The following ANK1 variants were observed in gnomAD, a reference collection of about 807,000 sequenced individuals.
ANK1 encodes the protein ankyrin 1, also known as ankyrin-1.
Under a neutral mutation model 210.4 loss-of-function variants are expected in ANK1, and 51 were observed. The observed-to-expected ratio is 0.24, with a 90% CI of 0.19 to 0.31. The LOEUF is 0.31. Among genes scored for constraint, ANK1 ranks in the 10% least tolerant of loss-of-function variants. ANK1 has a pLI of 1.00. For missense variants in ANK1, 2,051 were observed against 2,504.4 expected, an observed-to-expected ratio of 0.82 and a Z score of 3.86; for synonymous variants, 967 against 1,025.9, an observed-to-expected ratio of 0.94 and a Z score of 1.10.
intron 1 of ANK1, among the ~76,000 whole-genome samples, chr8:41,785,252 C>T (rs560821860): frequency 3.3e-5 from 5 of 152,050 alleles, no homozygotes; most frequent in Admixed American, 2.0e-4. Context: ...CCTGGCTACT[C>T]GGAAGGCTGA....
At position 41,694,679 on chromosome 8, in the gene ANK1, C is replaced by G. The variant is rs1221137413; in HGVS notation, c.3240G>C (p.Gly1080=). The G allele has an allele frequency of 1.2e-6, 2 of 1,614,108 alleles. No homozygotes were observed. Residue 1080 remains glycine, a synonymous_variant, in exon 28 of 43, where the codon GGG becomes GGC. Transcript: ENST00000289734. This position sits in a 1 kb window ranked among gnomAD's most constrained non-coding sequence, Gnocchi z 5.7. The part of the protein sequence containing the change: ...CQDYDTIGPE[G]GSLKSKLVPL... ...GCACCAGCTTGCTCTTCAGGGAGCCCCCTTCGGGACCGATGGTGTCGTAGT... is the reference window on the plus strand; with the variant it reads ...GCACCAGCTTGCTCTTCAGGGAGCCGCCTTCGGGACCGATGGTGTCGTAGT...
intron 1 of ANK1, among the ~76,000 whole-genome samples, chr8:41,870,662 G>A (rs1468394622): frequency 6.6e-6 from 1 of 152,240 alleles, no homozygotes; most frequent in African/African-American, 2.4e-5. Context: ...GCCAAGGGAG[G>A]CCAACAAAAT....
chr8:41,684,738 G>T, intron 36 of ANK1, 48 bp from the exon 37 acceptor site: 2 of 1,591,014 alleles, frequency 1.3e-6, no homozygotes, highest in African/African-American at 1.3e-5. Flanking sequence ...CGGTGAGCGA[G>T]GATCACATGG....
chr8:41,843,219 C>T (rs1370698837), intron 1 of ANK1, among the ~76,000 whole-genome samples: 1 of 152,120 alleles, frequency 6.6e-6, no homozygotes, highest in Admixed American at 6.5e-5. Context: ...TCATGCGGTA[C>T]GTGAGAGATT....
chr8:41,807,971 A>G (rs1851216063), intron 1 of ANK1, among the ~76,000 whole-genome samples: 1 of 145,622 alleles, frequency 6.9e-6, no homozygotes, highest in South Asian at 2.4e-4. Flanking sequence ...GGAGGAGGGG[A>G]GGAGGAGGAG....
At chr8:41,662,172 A>C (rs1585812979) in intron 40 of ANK1, among the ~76,000 whole-genome samples, 2 of 151,976 alleles carry the variant, frequency 1.3e-5, no homozygotes, top group South Asian at 2.1e-4. Flanking sequence ...CAGGAGAATC[A>C]CTTGAACCTG....
intron 1 of ANK1, among the ~76,000 whole-genome samples, chr8:41,870,690 A>G (rs1815303313): frequency 6.6e-6 from 1 of 152,232 alleles, no homozygotes; most frequent in Non-Finnish European, 1.5e-5. Context: ...AGCCCACTCA[A>G]AGCTGAGCTG....
At chr8:41,658,339 G>A (rs535135984) in intron 42 of ANK1, among the ~76,000 whole-genome samples, 2 of 152,310 alleles carry the variant, frequency 1.3e-5, no homozygotes, top group South Asian at 4.1e-4. Context: ...GAGTCCCAGA[G>A]CATATATGTT....
chr8:41,876,814 G>C (rs1816702775), intron 1 of ANK1, among the ~76,000 whole-genome samples: 1 of 152,210 alleles, frequency 6.6e-6, no homozygotes, highest in African/African-American at 2.4e-5. Flanking sequence ...CAGTTCTGCA[G>C]ACATTATCTC....
intron 1 of ANK1, among the ~76,000 whole-genome samples, chr8:41,779,995 G>A (rs1176439217): frequency 1.3e-5 from 2 of 152,310 alleles, no homozygotes; most frequent in African/African-American, 2.4e-5. Context: ...GTTCTCCACC[G>A]ACAGCTTTTG....
At chr8:41,793,267 C>A (rs1195725965) in intron 1 of ANK1, among the ~76,000 whole-genome samples, 1 of 152,166 alleles carries the variant, frequency 6.6e-6, no homozygotes, top group African/African-American at 2.4e-5. Context: ...GCAGTCCCAG[C>A]TAATCTGGAG....
intron 1 of ANK1, among the ~76,000 whole-genome samples, chr8:41,863,471 G>A (rs1000248551): frequency 8.5e-5 from 13 of 152,324 alleles, no homozygotes; most frequent in Admixed American, 3.9e-4. Context: ...AATCTCACCA[G>A]CTAAAGGTAA....
In ANK1 at chr8:41,663,665, G is replaced by C; in HGVS notation, c.5472C>G (p.Thr1824=). 6.2e-7 allele frequency: 1 copy of C among 1,613,812 alleles called. No individual in the cohort carries two copies. The highest frequency in any genetic ancestry group is 8.5e-7 in the Non-Finnish European group (1 of 1,179,754). Reference sequence around the variant, plus strand: ...GGGAACACTCTGCACCCACCTTCTTGGTGACAATGTTGCCCTGCTCATCCG... The same window carrying C: ...GGGAACACTCTGCACCCACCTTCTTCGTGACAATGTTGCCCTGCTCATCCG... The part of the protein sequence containing the change: ...QFTDEQGNIV[T]KKIIRKVVRQ... Residue 1824 remains threonine, a synonymous_variant, in exon 40 of 43, where the codon ACC becomes ACG. Transcript: ENST00000289734.
At chr8:41,737,924 C>G (rs1317201291) in intron 2 of ANK1, among the ~76,000 whole-genome samples, 5 of 152,214 alleles carry the variant, frequency 3.3e-5, no homozygotes, top group Admixed American at 1.3e-4. Flanking sequence ...TATGGAGAAC[C>G]TCGTCTGTGT....
intron 2 of ANK1, among the ~76,000 whole-genome samples, chr8:41,751,836 G>C (rs1837785964): frequency 6.6e-6 from 1 of 152,216 alleles, no homozygotes; most frequent in South Asian, 2.1e-4. Flanking sequence ...AGCATCTCTT[G>C]TGTAACACCT....
intron 2 of ANK1, among the ~76,000 whole-genome samples, chr8:41,747,748 C>T (rs16890813): frequency 0.015 from 2,358 of 152,230 alleles, 68 homozygotes; most frequent in African/African-American, 0.053. Context: ...AGTGTGTGTT[C>T]CTTGCACTAC....
At chr8:41,876,243 G>A (rs1045888628) in intron 1 of ANK1, among the ~76,000 whole-genome samples, 2 of 152,288 alleles carry the variant, frequency 1.3e-5, no homozygotes, top group East Asian at 3.9e-4. Flanking sequence ...CGCTCCAGCC[G>A]CGGCACCCTG....
chr8:41,694,482 T>C lies in ANK1; in HGVS notation c.3327+110A>G. ...TTAAACTCAGATCTCCACTGTGGCA[T>C]TTCAAAGCACCAGACAAAAGTGTGG... On this transcript the variant is annotated intron_variant, in intron 28 of 42. Coordinates refer to ENST00000289734, the MANE Select transcript of ANK1 (RefSeq NM_000037.4). The surrounding 1 kb of genome is among the most constrained non-coding windows in gnomAD (Gnocchi z 5.7). 1 of 1,152,458 alleles carries C rather than the reference T, an allele frequency of 8.7e-7. No individual in the cohort carries two copies. Among genetic ancestry groups the C allele is most frequent in the South Asian group, 1.4e-5 (1 of 73,554 alleles). The allele number at this position is 1,152,458 out of a possible 1,614,324, so 71.4% of individuals were successfully genotyped here. A position where few individuals can be genotyped will look rare whatever the true frequency, so the allele number is the denominator to read the frequency against.
chr8:41,896,709 G>T (rs1820580850), exon 1 of ANK1: 1 of 311,792 alleles, frequency 3.2e-6, no homozygotes, highest in Non-Finnish European at 5.1e-6. Context: ...CGCCGCGGCC[G>T]GAGCTCGCTT....
Sources: allele counts gnomAD v4.1 joint callset (sites outside exome capture counted in the v4.1 genomes callset), GRCh38; gene constraint gnomAD v4.1.1; non-coding constraint Gnocchi (gnomAD v3.1); transcripts MANE v1.5; gene names NCBI Gene and HGNC (gene_info 2026-07-23, HGNC 2026-07-21).